The following CCDC178 variants were observed in gnomAD, a reference collection of about 807,000 sequenced individuals.
CCDC178 encodes the protein coiled-coil domain-containing protein 178.
A neutral mutation model predicts 117.4 loss-of-function variants in CCDC178; 126 were observed. That is an observed-to-expected ratio of 1.07 (90% CI 0.93 to 1.24). The LOEUF (loss-of-function observed/expected upper bound fraction) is 1.24. Ranked by LOEUF, CCDC178 falls within the 50% of genes most tolerant of loss-of-function variation. CCDC178 has a pLI of 0.00. For missense variants in CCDC178, 1,030 were observed against 986.9 expected (o/e 1.04, Z -0.59); for synonymous variants, 283 against 313.4 (o/e 0.90, Z 1.02).
intron 3 of CCDC178, among the ~76,000 whole-genome samples, chr18:33,402,959 A>T (rs2063729044): frequency 6.6e-6 from 1 of 152,224 alleles, no homozygotes; most frequent in African/African-American, 2.4e-5. Context: ...AGATTTTTTT[A>T]AATTTTTCTG....
intron 21 of CCDC178, among the ~76,000 whole-genome samples, chr18:33,001,569 A>G (rs1177248833): frequency 6.6e-6 from 1 of 152,060 alleles, no homozygotes; most frequent in African/African-American, 2.4e-5. Context: ...CACCAGAGAA[A>G]ATCACCCTCA....
intron 22 of CCDC178, among the ~76,000 whole-genome samples, chr18:32,966,754 T>G (rs2054822745): frequency 6.6e-6 from 1 of 151,856 alleles, no homozygotes; most frequent in Non-Finnish European, 1.5e-5. Flanking sequence ...TTTTTAAAAA[T>G]TTTGGATTTA....
chr18:33,438,052 G>A (rs1035627784), intron 2 of CCDC178, among the ~76,000 whole-genome samples: 1 of 152,136 alleles, frequency 6.6e-6, no homozygotes, highest in Middle Eastern at 3.2e-3. Context: ...ACTATGGCCA[G>A]ACCACATATG....
intron 20 of CCDC178, among the ~76,000 whole-genome samples, chr18:33,112,530 T>C (rs2145134489): frequency 6.6e-6 from 1 of 152,028 alleles, no homozygotes; most frequent in East Asian, 1.9e-4. Context: ...TTATCAATTT[T>C]CATTTATTAG....
chr18:33,285,166 A>T (rs1466260024), intron 12 of CCDC178, among the ~76,000 whole-genome samples: 2 of 152,244 alleles, frequency 1.3e-5, no homozygotes, highest in East Asian at 3.9e-4. Context: ...ATTAGAAATA[A>T]CATAACAGCA....
upstream of CCDC178, chr18:33,441,030 G>T (rs1599325947): frequency 6.6e-6 from 1 of 152,264 alleles, no homozygotes; most frequent in African/African-American, 2.4e-5. Context: ...CACAGACTTC[G>T]TCCACCTTCG....
chr18:33,163,632 T>A (rs1022614388), intron 20 of CCDC178, among the ~76,000 whole-genome samples: 1 of 152,210 alleles, frequency 6.6e-6, no homozygotes, highest in African/African-American at 2.4e-5. Flanking sequence ...TTCTAAGAAC[T>A]TTGACTTTAC....
At chr18:33,224,438 A>C (rs958637214) in intron 17 of CCDC178, among the ~76,000 whole-genome samples, 1 of 152,220 alleles carries the variant, frequency 6.6e-6, no homozygotes, top group Non-Finnish European at 1.5e-5. Context: ...CTTACATTTT[A>C]TATGCAAATG....
chr18:33,247,990 AATAGGACCACAGACCAG>A (rs1267390192), intron 14 of CCDC178, among the ~76,000 whole-genome samples: 2 of 151,858 alleles, frequency 1.3e-5, no homozygotes, highest in Non-Finnish European at 2.9e-5. Context: ...TTGAGAAAAA[AATAGGACCACAGACCAG>A]ATAACAAAAT....
chr18:33,057,538 C>G (rs1272449250), intron 21 of CCDC178, among the ~76,000 whole-genome samples: 1 of 152,134 alleles, frequency 6.6e-6, no homozygotes, highest in Non-Finnish European at 1.5e-5. Context: ...GTCACCCAGG[C>G]TGGAGTGCAA....
intron 3 of CCDC178, among the ~76,000 whole-genome samples, chr18:33,402,961 AT>A (rs1182966509): frequency 6.6e-6 from 1 of 152,102 alleles, no homozygotes; most frequent in Non-Finnish European, 1.5e-5. Context: ...ATTTTTTTAA[AT>A]TTTTCTGCAG....
At chr18:33,051,102 G>A (rs1027515289) in intron 21 of CCDC178, among the ~76,000 whole-genome samples, 116 of 152,048 alleles carry the variant, frequency 7.6e-4, no homozygotes, top group African/African-American at 2.7e-3. Context: ...TAGTACAGAC[G>A]GGGCTTTGCC....
At chr18:33,247,317 A>G (rs2059562804) in intron 14 of CCDC178, among the ~76,000 whole-genome samples, 1 of 151,850 alleles carries the variant, frequency 6.6e-6, no homozygotes, top group South Asian at 2.1e-4. Context: ...AAATGCTCAA[A>G]GATCTAAGTA....
intron 21 of CCDC178, among the ~76,000 whole-genome samples, chr18:33,036,407 C>T (rs2056445837): frequency 6.6e-6 from 1 of 151,712 alleles, no homozygotes; most frequent in South Asian, 2.1e-4. Flanking sequence ...AGACATGGTG[C>T]TAGCATCAAG....
At chr18:33,133,954 C>T (rs1213348745) in intron 20 of CCDC178, among the ~76,000 whole-genome samples, 1 of 151,766 alleles carries the variant, frequency 6.6e-6, no homozygotes, top group Non-Finnish European at 1.5e-5. Context: ...ATGATGTCGG[C>T]AAAGAGGAAA....
chr18:33,407,290 T>G (rs968312576), intron 3 of CCDC178, among the ~76,000 whole-genome samples: 1 of 152,110 alleles, frequency 6.6e-6, no homozygotes, highest in African/African-American at 2.4e-5. Context: ...ATCTCTATGT[T>G]ATTTCAAGGG....
In CCDC178 at chr18:33,104,230, G is replaced by A. The variant is rs273026; in HGVS notation, c.2239-11320C>T. Among the ~76,000 whole-genome samples, 879 of 151,608 alleles carry A rather than the reference G, an allele frequency of 5.8e-3. 9 individuals carry two copies. Among genetic ancestry groups the A allele is most frequent in the African/African-American group, 0.02 (829 of 41,388 alleles). On this transcript the variant is annotated intron_variant, in intron 20 of 22. Transcript: ENST00000383096. ...AGGGGCTTAATAGAAAACCTCTAAA[G>A]AAGGTAAACCAAATATCAAACATGT...
At chr18:33,239,566 A>G (rs2059462191) in intron 15 of CCDC178, among the ~76,000 whole-genome samples, 1 of 151,870 alleles carries the variant, frequency 6.6e-6, no homozygotes, top group African/African-American at 2.4e-5. Context: ...AGCTGTACTT[A>G]TATCAGACAA....
At chr18:33,381,458 T>C (rs532081339) in intron 5 of CCDC178, among the ~76,000 whole-genome samples, 1 of 152,160 alleles carries the variant, frequency 6.6e-6, no homozygotes, top group Non-Finnish European at 1.5e-5. Flanking sequence ...CCTTCTTAAT[T>C]GCACCTCAGT....
Sources: gnomAD v4.1 joint callset for allele counts (sites outside exome capture counted in the v4.1 genomes callset) on GRCh38, gnomAD v4.1.1 for gene constraint, MANE v1.5 for transcripts, NCBI Gene and HGNC (gene_info 2026-07-23, HGNC 2026-07-21) for gene names.